The following SPICE1 variants were observed in gnomAD, a reference collection of about 807,000 sequenced individuals.
The protein encoded by SPICE1 is spindle and centriole-associated protein 1.
SPICE1 carries 75 observed loss-of-function variants against 102.7 expected under a neutral mutation model. That is an observed-to-expected ratio of 0.73 (90% CI 0.61 to 0.88). The LOEUF (loss-of-function observed/expected upper bound fraction) is 0.88. Among genes scored for constraint, SPICE1 ranks in the 40% least tolerant of loss-of-function variants. The pLI, the probability that SPICE1 is intolerant of heterozygous loss-of-function variation, is 0.00. For synonymous variants in SPICE1, 308 were observed against 350.3 expected, an observed-to-expected ratio of 0.88 and a Z score of 1.35; for missense variants, 979 against 1,020.1, an observed-to-expected ratio of 0.96 and a Z score of 0.55.
chr3:113,472,898 C>T lies in SPICE1; in HGVS notation c.612-3660G>A, dbSNP rs141525504. ...GAGCACCTCTCCTCCTCCAAAGGAA[C>T]GCAGTTCCTCACTACCAACGGAACA... On this transcript the variant is annotated intron_variant, in intron 7 of 17. Coordinates refer to ENST00000295872, the MANE Select transcript of SPICE1 (RefSeq NM_144718.4). Among the ~76,000 whole-genome samples the T allele has an allele frequency of 8.3e-3, 1,259 of 152,298 alleles. 14 individuals carry two copies. Among genetic ancestry groups the T allele is most frequent in the African/African-American group, 0.028 (1,160 of 41,564 alleles).
At chr3:113,448,287 C>CTT (rs79613651) in intron 15 of SPICE1, 147 bp from the exon 16 acceptor site, 303 of 472,916 alleles carry the variant, frequency 6.4e-4, no homozygotes, top group Middle Eastern at 1.2e-3. Context: ...ACTTGAAAGA[C>CTT]TTTTTTTTTT....
rs528786387 is a variant in SPICE1 at position 113,445,512 on chromosome 3, T to A, written c.2515-152A>T. 3.0e-5 allele frequency: 18 copies of A among 603,912 alleles called. No individual in the cohort carries two copies. In the African/African-American group the frequency reaches 3.3e-4, roughly 11 times the overall value. 37.4% of individuals were successfully genotyped at this position (603,912 alleles called of 1,614,324 possible). A position where few individuals can be genotyped will look rare whatever the true frequency, so the allele number is the denominator to read the frequency against. On this transcript the variant is annotated intron_variant, in intron 17 of 17. Transcript: ENST00000295872. ...ATTAAATTGTTATTGGCAATGTTAA[T>A]TCTCTAACAGAGATACTACCAAATA...
chr3:113,445,386 T>A lies in SPICE1; in HGVS notation c.2515-26A>T, dbSNP rs1314581360. 3 of 1,603,718 alleles carry A rather than the reference T, an allele frequency of 1.9e-6. No individual in the cohort carries two copies. In the African/African-American group the frequency reaches 4.0e-5, roughly 21 times the overall value. On this transcript the variant is annotated intron_variant, in intron 17 of 17. Transcript: ENST00000295872. ...CTGTTGAACAAAGACACGGAAAAAATTTAGATGGTAATTAGAAACATGAGA... is the reference window on the plus strand; with the variant it reads ...CTGTTGAACAAAGACACGGAAAAAAATTAGATGGTAATTAGAAACATGAGA...
At chr3:113,499,265 C>G in intron 4 of SPICE1, 174 bp downstream of exon 4, 1 of 599,422 alleles carries the variant, frequency 1.7e-6, no homozygotes, top group Non-Finnish European at 2.7e-6. Context: ...ATTCAAACCA[C>G]CAAACCAGAC....
chr3:113,498,652 A>C (rs763087807), intron 4 of SPICE1, among the ~76,000 whole-genome samples: 7 of 152,236 alleles, frequency 4.6e-5, no homozygotes, highest in Non-Finnish European at 8.8e-5. Context: ...CTTTATTTCA[A>C]TAAGAAGCCT....
chr3:113,445,366 G>C lies in SPICE1; in HGVS notation c.2515-6C>G. On this transcript the variant is annotated splice_region_variant and splice_polypyrimidine_tract_variant and intron_variant, in intron 17 of 17. Coordinates refer to ENST00000295872, the MANE Select transcript of SPICE1 (RefSeq NM_144718.4). Reference sequence around the variant, plus strand: ...TCTTCATTCTGTTTCTCAATCTGTTGAACAAAGACACGGAAAAAATTTAGA... The same window carrying C: ...TCTTCATTCTGTTTCTCAATCTGTTCAACAAAGACACGGAAAAAATTTAGA... The C allele has an allele frequency of 6.2e-7, 1 of 1,611,874 alleles. No homozygotes were observed.
chr3:113,474,106 T>C (rs1230376912), intron 7 of SPICE1, among the ~76,000 whole-genome samples: 17 of 150,740 alleles, frequency 1.1e-4, no homozygotes, highest in African/African-American at 3.4e-4. Flanking sequence ...ACCAAGCAAA[T>C]GGAAAACAAA....
In SPICE1 at chr3:113,508,132, T is replaced by C. The variant is rs562270385; in HGVS notation, c.1-1527A>G. 1.1e-4 allele frequency among the ~76,000 whole-genome samples: 17 copies of C among 152,212 alleles called. No individual in the cohort carries two copies. In the South Asian group the frequency reaches 3.3e-3, roughly 30 times the overall value. The stretch of plus-strand genomic sequence containing the variant: ...CCTCACACCATATTCAAAAATTAAA[T>C]TGATTCATGGATTTAAATATAAGAG... On this transcript the variant is annotated intron_variant, in intron 1 of 17. Coordinates refer to ENST00000295872, the MANE Select transcript of SPICE1 (RefSeq NM_144718.4).
At position 113,453,300 on chromosome 3, in the gene SPICE1, C is replaced by CT. The variant is rs1935699783; in HGVS notation, c.2142+165dup. On this transcript the variant is annotated intron_variant, in intron 14 of 17. Coordinates refer to ENST00000295872, the MANE Select transcript of SPICE1 (RefSeq NM_144718.4). Reference sequence around the variant, plus strand: ...TGTCTTGTATTGTATGTACAACAGACTGATAAATAACTTGGACCTATTGTA... The same window carrying CT: ...TGTCTTGTATTGTATGTACAACAGACTTGATAAATAACTTGGACCTATTGTA... Among the ~76,000 whole-genome samples the CT allele has an allele frequency of 2.6e-5, 4 of 152,234 alleles. 1 individual carries two copies. Among genetic ancestry groups the CT allele is most frequent in the Admixed American group, 2.6e-4 (4 of 15,286 alleles).
intron 14 of SPICE1, 117 bp from the exon 15 acceptor site, chr3:113,450,633 G>A: frequency 3.8e-6 from 4 of 1,045,354 alleles, no homozygotes; most frequent in Non-Finnish European, 5.3e-6. Context: ...CTGGAGTGCA[G>A]TGGCGCTATC....
At chr3:113,488,886 A>G (rs202006929) in intron 7 of SPICE1, 59 bp downstream of exon 7, 106 of 989,780 alleles carry the variant, frequency 1.1e-4, no homozygotes, top group Non-Finnish European at 1.1e-4. Flanking sequence ...ATAGGCAAAC[A>G]TTGAAATGGC....
intron 11 of SPICE1, among the ~76,000 whole-genome samples, chr3:113,463,257 A>G (rs778082110): frequency 3.3e-5 from 5 of 152,042 alleles, no homozygotes; most frequent in Non-Finnish European, 5.9e-5. Flanking sequence ...CTATACTTCA[A>G]CTTTTTGTTT....
chr3:113,481,213 G>C (rs527485136), intron 7 of SPICE1, among the ~76,000 whole-genome samples: 6 of 151,968 alleles, frequency 3.9e-5, no homozygotes, highest in Admixed American at 6.6e-5. Flanking sequence ...AGAATATCAA[G>C]GCAACACATG....
chr3:113,481,184 C>G (rs1220009647), intron 7 of SPICE1, among the ~76,000 whole-genome samples: 4 of 151,972 alleles, frequency 2.6e-5, no homozygotes, highest in African/African-American at 9.7e-5. Flanking sequence ...CTAATTCAAC[C>G]AAGATTCAAT....
chr3:113,479,081 C>T (rs1211820959), intron 7 of SPICE1, among the ~76,000 whole-genome samples: 3 of 150,180 alleles, frequency 2.0e-5, no homozygotes, highest in Admixed American at 6.6e-5. Context: ...CCCATTAACT[C>T]GTCATTTAGC....
intron 6 of SPICE1, among the ~76,000 whole-genome samples, chr3:113,489,865 A>C (rs886411756): frequency 7.9e-5 from 12 of 151,030 alleles, no homozygotes; most frequent in African/African-American, 2.9e-4. Context: ...AAAAAAAAAA[A>C]AAAACGCTAC....
At chr3:113,470,800 T>C (rs927328653) in intron 7 of SPICE1, among the ~76,000 whole-genome samples, 1 of 152,230 alleles carries the variant, frequency 6.6e-6, no homozygotes, top group Non-Finnish European at 1.5e-5. Flanking sequence ...GTCCTAATAG[T>C]ATTTGCTCTA....
At chr3:113,455,706 T>C (rs1252596576) in intron 13 of SPICE1, among the ~76,000 whole-genome samples, 1 of 152,154 alleles carries the variant, frequency 6.6e-6, no homozygotes, top group Non-Finnish European at 1.5e-5. Flanking sequence ...GCTTGAAAAA[T>C]ATAATAAAAC....
intron 2 of SPICE1, among the ~76,000 whole-genome samples, chr3:113,504,611 AG>A (rs1429137619): frequency 1.3e-5 from 2 of 151,784 alleles, no homozygotes; most frequent in African/African-American, 4.8e-5. Context: ...AGGAAAAGAA[AG>A]GTACAAGGTA....
Sources: allele counts gnomAD v4.1 joint callset (sites outside exome capture counted in the v4.1 genomes callset), GRCh38; gene constraint gnomAD v4.1.1; transcripts MANE v1.5; gene names NCBI Gene and HGNC (gene_info 2026-07-23, HGNC 2026-07-21).